The following C12orf56 variants were observed in gnomAD, a reference collection of about 807,000 sequenced individuals.
C12orf56 encodes the protein chromosome 12 open reading frame 56, also known as uncharacterized protein C12orf56.
C12orf56 carries 71 observed loss-of-function variants against 69.9 expected under a neutral mutation model. That is an observed-to-expected ratio of 1.02 (90% CI 0.84 to 1.24). C12orf56 has a LOEUF of 1.24. C12orf56 is among the 50% of genes most tolerant of loss of function. C12orf56 has a pLI of 0.00. For missense variants in C12orf56, 732 were observed against 738.5 expected (o/e 0.99, Z 0.10); for synonymous variants, 276 against 274.1 (o/e 1.01, Z -0.07).
At chr12:64,363,468 T>C (rs2039424039) in intron 1 of C12orf56, among the ~76,000 whole-genome samples, 1 of 152,084 alleles carries the variant, frequency 6.6e-6, no homozygotes, top group African/African-American at 2.4e-5. Flanking sequence ...GGGGATATCA[T>C]CTCGAAGCCT....
At chr12:64,335,682 T>C (rs1003966823) in intron 2 of C12orf56, among the ~76,000 whole-genome samples, 1 of 152,170 alleles carries the variant, frequency 6.6e-6, no homozygotes, top group Non-Finnish European at 1.5e-5. Context: ...TAAGAACATA[T>C]GTATACTAAA....
At position 64,338,330 on chromosome 12, in the gene C12orf56, G is replaced by A. The variant is rs1334178332; in HGVS notation, c.416-7298C>T. ...CTCAACTCCACCAGCTATGTCCTCT[G>A]GCAGGTAGACATAGCTGGTGGAGTT... On this transcript the variant is annotated intron_variant, in intron 2 of 12. Transcript: ENST00000543942. 5.2e-6 allele frequency: 3 copies of A among 571,486 alleles called. No individual in the cohort carries two copies. The African/African-American group carries it at 5.7e-5, about 11-fold the overall frequency. The allele number at this position is 571,486 out of a possible 1,614,324, so 35.4% of individuals were successfully genotyped here. A position where few individuals can be genotyped will look rare whatever the true frequency, so the allele number is the denominator to read the frequency against.
In C12orf56 at chr12:64,300,035, G is replaced by A. The variant is rs149008266; in HGVS notation, c.1113+3600C>T. Among the ~76,000 whole-genome samples, 4 of 152,190 alleles carry A rather than the reference G, an allele frequency of 2.6e-5. No individual in the cohort carries two copies. The East Asian group carries it at 7.7e-4, about 29-fold the overall frequency. ...ATAAAACTTCAAAGAAAGTTCTATGGCATGGAATTGACAGAGAAGATCAAA... is the reference window on the plus strand; with the variant it reads ...ATAAAACTTCAAAGAAAGTTCTATGACATGGAATTGACAGAGAAGATCAAA... On this transcript the variant is annotated intron_variant, in intron 6 of 12. Transcript: ENST00000543942.
At chr12:64,278,514 G>C (rs1344666579) in intron 8 of C12orf56, among the ~76,000 whole-genome samples, 1 of 151,946 alleles carries the variant, frequency 6.6e-6, no homozygotes, top group Admixed American at 6.6e-5. Flanking sequence ...ATGATGTTTT[G>C]AAATATGTAT....
chr12:64,309,425 C>T (rs1051929935), intron 5 of C12orf56, among the ~76,000 whole-genome samples: 4 of 152,210 alleles, frequency 2.6e-5, no homozygotes, highest in African/African-American at 9.6e-5. Context: ...AGCATGATGT[C>T]TTCAAGGTTC....
chr12:64,321,107 T>G (rs2038766718), intron 3 of C12orf56, among the ~76,000 whole-genome samples: 1 of 152,230 alleles, frequency 6.6e-6, no homozygotes, highest in African/African-American at 2.4e-5. Flanking sequence ...CTTCATTTCC[T>G]AATTTTAAAA....
At chr12:64,280,744 C>T (rs530885903) in intron 8 of C12orf56, among the ~76,000 whole-genome samples, 4 of 152,254 alleles carry the variant, frequency 2.6e-5, no homozygotes, top group African/African-American at 9.6e-5. Context: ...CTGAGTCCCA[C>T]AGCTGTAAGG....
intron 2 of C12orf56, chr12:64,338,373 C>A (rs2039025093): frequency 6.0e-6 from 4 of 665,954 alleles, no homozygotes; most frequent in Non-Finnish European, 1.2e-5. Flanking sequence ...ATAATGGGGA[C>A]CTCCTGGTCA....
intron 2 of C12orf56, among the ~76,000 whole-genome samples, chr12:64,331,646 T>A (rs2038931614): frequency 6.6e-6 from 1 of 152,100 alleles, no homozygotes; most frequent in African/African-American, 2.4e-5. Context: ...TCCCACTACG[T>A]GAGGACATAG....
At chr12:64,284,037 A>G (rs954578991) in intron 8 of C12orf56, among the ~76,000 whole-genome samples, 7 of 151,188 alleles carry the variant, frequency 4.6e-5, no homozygotes, top group Non-Finnish European at 1.0e-4. Context: ...AGCTGGGATT[A>G]CAAGTGCGCA....
At chr12:64,346,586 G>A (rs143471153) in intron 2 of C12orf56, among the ~76,000 whole-genome samples, 1 of 152,148 alleles carries the variant, frequency 6.6e-6, no homozygotes, top group African/African-American at 2.4e-5. Context: ...TTAAATCATG[G>A]GTCACTGGTG....
At chr12:64,342,521 T>G (rs1592470177) in intron 2 of C12orf56, among the ~76,000 whole-genome samples, 1 of 152,220 alleles carries the variant, frequency 6.6e-6, no homozygotes, top group Admixed American at 6.5e-5. Context: ...GAAGGCAGGG[T>G]GGCAGAAACC....
intron 1 of C12orf56, among the ~76,000 whole-genome samples, chr12:64,369,316 G>A (rs1038591796): frequency 6.6e-6 from 1 of 152,072 alleles, no homozygotes; most frequent in Middle Eastern, 3.2e-3. Context: ...TCCTGCCTCA[G>A]CCTCCCAAAT....
intron 2 of C12orf56, chr12:64,338,483 A>G (rs2039027846): frequency 1.1e-6 from 1 of 932,136 alleles, no homozygotes; most frequent in Non-Finnish European, 1.8e-6. Context: ...CCTGCAACAA[A>G]CAATCATTCA....
intron 1 of C12orf56, among the ~76,000 whole-genome samples, chr12:64,359,945 C>A (rs1055376948): frequency 6.6e-6 from 1 of 151,822 alleles, no homozygotes; most frequent in African/African-American, 2.4e-5. Context: ...GAACTCCTGA[C>A]CTTAAGTGAT....
intron 5 of C12orf56, among the ~76,000 whole-genome samples, chr12:64,311,403 A>T (rs945348033): frequency 1.3e-5 from 2 of 150,910 alleles, no homozygotes; most frequent in Non-Finnish European, 2.9e-5. Context: ...ACAGAGCAAG[A>T]CTTTGTCTCA....
At chr12:64,380,343 T>C (rs1053911015) in intron 1 of C12orf56, among the ~76,000 whole-genome samples, 5 of 152,118 alleles carry the variant, frequency 3.3e-5, no homozygotes, top group Admixed American at 2.6e-4. Flanking sequence ...TAAGGAAATA[T>C]CAACTCCTTC....
At chr12:64,352,805 G>C (rs1345957565) in intron 2 of C12orf56, 89 bp downstream of exon 2, 1 of 1,240,952 alleles carries the variant, frequency 8.1e-7, no homozygotes, top group Non-Finnish European at 1.1e-6. Context: ...ACTGAACTAA[G>C]AAGCAAAATA....
At chr12:64,352,072 G>C (rs2039230218) in intron 2 of C12orf56, among the ~76,000 whole-genome samples, 1 of 150,304 alleles carries the variant, frequency 6.7e-6, no homozygotes, top group Non-Finnish European at 1.5e-5. Flanking sequence ...CAGCAAAAGA[G>C]TAAAAGGTTT....
Sources: gnomAD v4.1 joint callset for allele counts (sites outside exome capture counted in the v4.1 genomes callset) on GRCh38, gnomAD v4.1.1 for gene constraint, MANE v1.5 for transcripts, NCBI Gene and HGNC (gene_info 2026-07-23, HGNC 2026-07-21) for gene names.